The following NIPBL variants were observed in gnomAD, a reference collection of about 807,000 sequenced individuals.
NIPBL encodes NIPBL cohesin loading factor.
A neutral mutation model predicts 321.8 loss-of-function variants in NIPBL; 19 were observed. That is an observed-to-expected ratio of 0.06 (90% CI 0.04 to 0.09). The LOEUF (loss-of-function observed/expected upper bound fraction) is 0.09, where lower values mean the gene tolerates loss of function less well. Among genes scored for constraint, NIPBL ranks in the 10% least tolerant of loss-of-function variants. The probability of loss-of-function intolerance (pLI) is 1.00; values close to 1 mark genes in which losing one functional copy is unlikely to be tolerated. For synonymous variants in NIPBL, 1,106 were observed against 1,114.1 expected (o/e 0.99, Z 0.14); for missense variants, 2,210 against 3,327.0 (o/e 0.66, Z 8.26).
At chr5:37,013,196 G>A (rs1313223022) in intron 21 of NIPBL, among the ~76,000 whole-genome samples, 5 of 150,984 alleles carry the variant, frequency 3.3e-5, no homozygotes, top group South Asian at 2.1e-4. Context: ...CCTCCCGGAC[G>A]GGGCGGCTGG....
chr5:36,909,683 G>T (rs1747898914), intron 1 of NIPBL, among the ~76,000 whole-genome samples: 1 of 152,026 alleles, frequency 6.6e-6, no homozygotes, highest in South Asian at 2.1e-4. Flanking sequence ...TAGAGAAAAG[G>T]TTAAATGGGC....
intron 39 of NIPBL, among the ~76,000 whole-genome samples, 179 bp downstream of exon 39, chr5:37,048,854 T>G (rs750840576): frequency 1.3e-5 from 2 of 152,118 alleles, no homozygotes; most frequent in African/African-American, 4.8e-5. Context: ...TCTAAAATAG[T>G]TTTAAAATTG....
At chr5:36,905,106 T>C (rs1376913661) in intron 1 of NIPBL, among the ~76,000 whole-genome samples, 1 of 152,154 alleles carries the variant, frequency 6.6e-6, no homozygotes, top group Non-Finnish European at 1.5e-5. Context: ...GGTTGGTTGG[T>C]TGGTTTTACA....
intron 34 of NIPBL, 28 bp downstream of exon 34, chr5:37,038,766 A>G: frequency 6.2e-6 from 10 of 1,607,826 alleles, no homozygotes; most frequent in Non-Finnish European, 7.6e-6. Flanking sequence ...TTATTCTTGT[A>G]TCTTACATAA....
At chr5:36,962,063 C>T (rs1741686288) in intron 5 of NIPBL, 60 bp from the exon 6 acceptor site, 2 of 1,583,026 alleles carry the variant, frequency 1.3e-6, no homozygotes, top group Non-Finnish European at 1.7e-6. Context: ...AGTCAGATTT[C>T]AAGGAATAGC....
chr5:36,878,588 T>C (rs768516736), intron 1 of NIPBL, among the ~76,000 whole-genome samples: 2 of 152,250 alleles, frequency 1.3e-5, no homozygotes, highest in Non-Finnish European at 2.9e-5. Context: ...CTAGTGTTTG[T>C]TACATTGGTT....
At position 37,007,330 on chromosome 5, in the gene NIPBL, A is replaced by G. The variant is rs1747558466; in HGVS notation, c.4095A>G (p.Leu1365=). ...VYRLDPHGGG[L]LSSKAKRAKC... ...GAATTTGTTTCATTTTAGGAGGCTT[A>G]TTAAGTTCAAAAGCAAAACGGGCTA... is the stretch of plus-strand genomic sequence containing the variant. The change falls in exon 18 of 47, where the codon TTA becomes TTG. Residue 1365 remains leucine, a synonymous_variant. Transcript: ENST00000282516. 1.2e-6 allele frequency: 2 copies of G among 1,611,484 alleles called. No homozygotes were observed. Among genetic ancestry groups the G allele is most frequent in the Non-Finnish European group, 1.7e-6 (2 of 1,178,264 alleles).
At chr5:36,885,891 G>C in intron 1 of NIPBL, 2 of 734,802 alleles carry the variant, frequency 2.7e-6, no homozygotes, top group Non-Finnish European at 5.0e-6. Flanking sequence ...CAGCTCACCA[G>C]CTCTGGGTTG....
At chr5:36,998,320 G>A (rs1251291685) in intron 11 of NIPBL, among the ~76,000 whole-genome samples, 1 of 151,294 alleles carries the variant, frequency 6.6e-6, no homozygotes, top group Non-Finnish European at 1.5e-5. Context: ...TATCTAAATT[G>A]TCTAAAATTT....
In NIPBL at chr5:37,045,373, T is replaced by A. The variant is rs1174966921; in HGVS notation, c.6344-70T>A. 13 of 1,214,192 alleles carry A rather than the reference T, an allele frequency of 1.1e-5. No homozygotes were observed. The Admixed American group carries it at 2.1e-4, about 20-fold the overall frequency. 75.2% of individuals were successfully genotyped at this position (1,214,192 alleles called of 1,614,324 possible). A position where few individuals can be genotyped will look rare whatever the true frequency, so the allele number is the denominator to read the frequency against. ...TCTCAAAAAAAAAATTGTAATTCAT[T>A]AGTAGTAATTACTTGAACTTAGTAA... On this transcript the variant is annotated intron_variant, in intron 36 of 46. Transcript: ENST00000282516.
At chr5:37,032,855 T>C (rs1458008290) in intron 32 of NIPBL, among the ~76,000 whole-genome samples, 1 of 148,102 alleles carries the variant, frequency 6.8e-6, no homozygotes, top group African/African-American at 2.4e-5. Context: ...TTTCAACTCT[T>C]TTGTTTGGCT....
At chr5:36,986,453 A>G (rs1744815782) in intron 10 of NIPBL, 152 bp downstream of exon 10, 2 of 549,150 alleles carry the variant, frequency 3.6e-6, no homozygotes, top group Non-Finnish European at 2.8e-6. Context: ...TTTCAGGAGT[A>G]TAGATAAAAA....
intron 4 of NIPBL, among the ~76,000 whole-genome samples, chr5:36,960,309 CA>C (rs1334516011): frequency 5.3e-5 from 8 of 150,926 alleles, no homozygotes; most frequent in Non-Finnish European, 1.0e-4. Flanking sequence ...GCTGTTAATT[CA>C]GGGGGGAAAA....
Position 36,885,097 on chromosome 5 carries a change from A to G in NIPBL, c.-80+7919A>G, listed in dbSNP as rs1745791831. On this transcript the variant is annotated intron_variant, in intron 1 of 46. Coordinates refer to ENST00000282516, the MANE Select transcript of NIPBL (RefSeq NM_133433.4). Reference sequence around the variant, plus strand: ...TTTTTTTTGCCAATTTAAGTATTATATATAATCAGATAAGTTAAATAATGA... The same window carrying G: ...TTTTTTTTGCCAATTTAAGTATTATGTATAATCAGATAAGTTAAATAATGA... 1.0e-5 allele frequency: 3 copies of G among 288,114 alleles called. No homozygotes were observed. In the Admixed American group the frequency reaches 1.3e-4, roughly 12 times the overall value. The allele number at this position is 288,114 out of a possible 1,614,324, so 17.8% of individuals were successfully genotyped here. A position where few individuals can be genotyped will look rare whatever the true frequency, so the allele number is the denominator to read the frequency against.
chr5:37,057,401 T>C (rs1754210895), intron 43 of NIPBL, 69 bp downstream of exon 43: 2 of 1,425,696 alleles, frequency 1.4e-6, no homozygotes, highest in East Asian at 4.6e-5. Flanking sequence ...CACTGTTTTG[T>C]TTCTCATTAT....
At chr5:36,885,938 G>T in intron 1 of NIPBL, 1 of 735,502 alleles carries the variant, frequency 1.4e-6, no homozygotes. Flanking sequence ...TCAGGACCTC[G>T]CCAAGATCAT....
At chr5:36,905,745 TTTTGTG>T (rs895230900) in intron 1 of NIPBL, among the ~76,000 whole-genome samples, 43 of 151,780 alleles carry the variant, frequency 2.8e-4, no homozygotes, top group Non-Finnish European at 5.4e-4. Context: ...ATGTTTTTGT[TTTTGTG>T]TTTTTTTTTT....
At position 37,003,343 on chromosome 5, in the gene NIPBL, A is replaced by G. The variant is rs143152112; in HGVS notation, c.3851A>G (p.Asn1284Ser). 27 of 1,577,454 alleles carry G rather than the reference A, an allele frequency of 1.7e-5. No homozygotes were observed. The highest frequency in any genetic ancestry group is 8.4e-5 in the Admixed American group (5 of 59,860). ...GGGTCAAAGCTTTCCACTTTGTTAA[A>G]TCATGTAAGTTTAAGATCCATACTG... Reference protein sequence around the residue: ...QDGSKLSTLLNHNNDTEEEER... With the variant: ...QDGSKLSTLLSHNNDTEEEER... The change falls in exon 16 of 47, where the codon AAT (asparagine) becomes AGT (serine). Residue 1284 changes from asparagine to serine, a missense_variant. Asn to Ser is a conservative substitution (Grantham distance 46). This residue lies in a region of NIPBL where 381 missense variants were observed against 642.3 expected (regional missense o/e 0.59). Transcript: ENST00000282516.
chr5:37,048,000 T>A (rs998320635), intron 38 of NIPBL, among the ~76,000 whole-genome samples: 61 of 152,266 alleles, frequency 4.0e-4, no homozygotes, highest in African/African-American at 1.2e-3. Flanking sequence ...ATTTTTTTTT[T>A]AAAATAATGT....
Sources: allele counts gnomAD v4.1 joint callset (sites outside exome capture counted in the v4.1 genomes callset), GRCh38; gene constraint gnomAD v4.1.1; regional missense constraint gnomAD v4.1.1; transcripts MANE v1.5; gene names NCBI Gene and HGNC (gene_info 2026-07-23, HGNC 2026-07-21).